Variants in GDPD4 observed in about 807,000 individuals in gnomAD.
The protein encoded by GDPD4 is glycerophosphodiester phosphodiesterase 6.
GDPD4 carries 60 observed loss-of-function variants against 67.8 expected under a neutral mutation model. The observed-to-expected ratio is 0.88, with a 90% CI of 0.72 to 1.10. The LOEUF (loss-of-function observed/expected upper bound fraction) is 1.10, where lower values mean the gene tolerates loss of function less well. Ranked by LOEUF, GDPD4 falls within the 50% of genes least tolerant of loss-of-function variation. The pLI, the probability that GDPD4 is intolerant of heterozygous loss-of-function variation, is 0.00. For synonymous variants in GDPD4, 212 were observed against 210.9 expected, an observed-to-expected ratio of 1.00 and a Z score of -0.04; for missense variants, 623 against 613.9, an observed-to-expected ratio of 1.01 and a Z score of -0.16.
intron 4 of GDPD4, among the ~76,000 whole-genome samples, chr11:77,277,637 CT>C (rs1959548578): frequency 6.6e-6 from 1 of 151,838 alleles, no homozygotes; most frequent in Non-Finnish European, 1.5e-5. Context: ...ATTCTTCTCT[CT>C]TTTCTTCTTT....
intron 5 of GDPD4, 108 bp downstream of exon 5, chr11:77,276,053 C>CA: frequency 2.7e-6 from 2 of 743,860 alleles, no homozygotes. Flanking sequence ...AGAACAGTAA[C>CA]AGAGAGGGTA....
chr11:77,234,625 C>T (rs1283104125), intron 13 of GDPD4, among the ~76,000 whole-genome samples: 1 of 152,166 alleles, frequency 6.6e-6, no homozygotes, highest in African/African-American at 2.4e-5. Flanking sequence ...TGCACTAATT[C>T]ACTTAGAATA....
intron 16 of GDPD4, among the ~76,000 whole-genome samples, chr11:77,220,344 T>A (rs895798720): frequency 1.3e-5 from 2 of 152,150 alleles, no homozygotes; most frequent in Non-Finnish European, 2.9e-5. Flanking sequence ...TGTTGGTTTG[T>A]CATAAATAGC....
At chr11:77,296,969 G>T (rs184789112) in intron 1 of GDPD4, among the ~76,000 whole-genome samples, 1 of 150,538 alleles carries the variant, frequency 6.6e-6, no homozygotes, top group African/African-American at 2.4e-5. Flanking sequence ...CAGAAGAATC[G>T]CTTGAACCCA....
chr11:77,275,359 C>A (rs1373620090), intron 5 of GDPD4, among the ~76,000 whole-genome samples: 2 of 152,042 alleles, frequency 1.3e-5, no homozygotes, highest in Non-Finnish European at 2.9e-5. Flanking sequence ...CCTCTGGGGA[C>A]CAGATATAGA....
chr11:77,291,401 G>A lies in GDPD4; in HGVS notation c.-253-3981C>T, dbSNP rs141792383. Reference sequence around the variant, plus strand: ...GTTGCAGGGGGATGAAGAAAGGTAGGTTAATAAGTACAAACATACAGTTAG... The same window carrying A: ...GTTGCAGGGGGATGAAGAAAGGTAGATTAATAAGTACAAACATACAGTTAG... On this transcript the variant is annotated intron_variant, in intron 1 of 16. Transcript: ENST00000315938. Among the ~76,000 whole-genome samples the A allele has an allele frequency of 5.3e-5, 8 of 152,254 alleles. No homozygotes were observed. In the East Asian group the frequency reaches 1.5e-3, roughly 29 times the overall value.
At chr11:77,294,017 GAATT>G (rs1285468651) in intron 1 of GDPD4, among the ~76,000 whole-genome samples, 1 of 152,000 alleles carries the variant, frequency 6.6e-6, no homozygotes, top group African/African-American at 2.4e-5. Flanking sequence ...AAAAAACTTA[GAATT>G]AATAAGTGAG....
At chr11:77,249,409 G>A (rs1425616391) in intron 11 of GDPD4, among the ~76,000 whole-genome samples, 1 of 152,032 alleles carries the variant, frequency 6.6e-6, no homozygotes, top group Non-Finnish European at 1.5e-5. Flanking sequence ...TTACTATATT[G>A]ATTCAAAAAA....
At chr11:77,229,821 C>G (rs1039904910) in intron 14 of GDPD4, among the ~76,000 whole-genome samples, 1 of 152,160 alleles carries the variant, frequency 6.6e-6, no homozygotes, top group Non-Finnish European at 1.5e-5. Flanking sequence ...CTACATGCTC[C>G]TCTTCTATGC....
chr11:77,268,315 G>T, intron 10 of GDPD4, 142 bp downstream of exon 10: 1 of 642,072 alleles, frequency 1.6e-6, no homozygotes, highest in Non-Finnish European at 2.8e-6. Flanking sequence ...GTTCATTTGT[G>T]TAGTACATGC....
At chr11:77,260,125 A>C (rs979120231) in intron 10 of GDPD4, among the ~76,000 whole-genome samples, 5 of 152,016 alleles carry the variant, frequency 3.3e-5, no homozygotes, top group East Asian at 1.9e-4. Flanking sequence ...TGGCCAACAT[A>C]GTGAAACCCC....
intron 12 of GDPD4, among the ~76,000 whole-genome samples, chr11:77,244,870 C>T (rs1175639843): frequency 4.6e-5 from 7 of 152,198 alleles, no homozygotes; most frequent in South Asian, 2.1e-4. Flanking sequence ...AAAAACATTA[C>T]GAGCAAATCT....
chr11:77,268,826 T>G, intron 9 of GDPD4, 98 bp downstream of exon 9: 3 of 1,292,238 alleles, frequency 2.3e-6, no homozygotes, highest in Non-Finnish European at 3.2e-6. Flanking sequence ...ATGCAATCAC[T>G]TTTTCTCTCC....
chr11:77,279,540 T>TTTTTTTTTTTTTTTTTTTGAGAC (rs1555124920), intron 3 of GDPD4, 141 bp from the exon 4 acceptor site: 13 of 522,136 alleles, frequency 2.5e-5, no homozygotes, highest in East Asian at 8.5e-5. Flanking sequence ...CAGCAGCTTT[T>TTTTTTTTTTTTTTTTTTTGAGAC]GCGGATAATT....
intron 10 of GDPD4, among the ~76,000 whole-genome samples, chr11:77,260,267 T>C (rs527703129): frequency 1.1e-4 from 16 of 148,430 alleles, no homozygotes; most frequent in East Asian, 8.0e-4. Flanking sequence ...AATCGCGCCA[T>C]TGGACTCCAG....
intron 9 of GDPD4, 106 bp from the exon 10 acceptor site, chr11:77,268,645 G>C (rs1959190460): frequency 1.1e-6 from 1 of 907,622 alleles, no homozygotes; most frequent in African/African-American, 1.7e-5. Context: ...GCAGAGCTTG[G>C]CTCCCTGAGA....
At chr11:77,283,452 T>C (rs902521696) in intron 3 of GDPD4, among the ~76,000 whole-genome samples, 6 of 152,200 alleles carry the variant, frequency 3.9e-5, no homozygotes, top group Admixed American at 1.3e-4. Context: ...AAGATTTGGA[T>C]ATTAGACTTT....
At chr11:77,248,197 TTTC>T (rs1958817479) in intron 11 of GDPD4, among the ~76,000 whole-genome samples, 1 of 151,560 alleles carries the variant, frequency 6.6e-6, no homozygotes, top group African/African-American at 2.4e-5. Context: ...ACAATACAAT[TTTC>T]TTTTCTTTTT....
At chr11:77,262,854 CAAAAAAAAAA>C (rs67911054) in intron 10 of GDPD4, among the ~76,000 whole-genome samples, 3 of 67,004 alleles carry the variant, frequency 4.5e-5, no homozygotes, top group African/African-American at 6.7e-5. Flanking sequence ...TTCTCTGCTG[CAAAAAAAAAA>C]AAAAAAAAAA....
Sources: allele counts gnomAD v4.1 joint callset (sites outside exome capture counted in the v4.1 genomes callset), GRCh38; gene constraint gnomAD v4.1.1; transcripts MANE v1.5; gene names NCBI Gene and HGNC (gene_info 2026-07-23, HGNC 2026-07-21).